DGKB: variants seen among roughly 807,000 people sequenced by gnomAD.
DGKB encodes diacylglycerol kinase beta, also known as 90 kDa diacylglycerol kinase.
In DGKB, 67 loss-of-function variants were observed where a neutral mutation model predicts 114.3. The ratio of observed to expected loss-of-function variants is 0.59; its 90% CI spans 0.48 to 0.72. DGKB has a LOEUF of 0.72. DGKB is among the 30% of genes least tolerant of loss of function. The pLI is 0.00. For synonymous variants in DGKB, 398 were observed against 323.1 expected, an observed-to-expected ratio of 1.23 and a Z score of -2.49; for missense variants, 907 against 975.2, an observed-to-expected ratio of 0.93 and a Z score of 0.93.
At chr7:14,878,641 C>A (rs1312047157) in intron 1 of DGKB, among the ~76,000 whole-genome samples, 10 of 150,350 alleles carry the variant, frequency 6.7e-5, no homozygotes, top group Admixed American at 6.0e-4. Flanking sequence ...CCCAGCTACT[C>A]GGGAGGCTGA....
At chr7:14,584,205 C>A (rs559112589) in intron 17 of DGKB, among the ~76,000 whole-genome samples, 1 of 152,098 alleles carries the variant, frequency 6.6e-6, no homozygotes, top group South Asian at 2.1e-4. Context: ...AGCACTGCAT[C>A]ATGTTTTATA....
At chr7:14,832,748 G>C (rs2128125123) in intron 2 of DGKB, among the ~76,000 whole-genome samples, 1 of 151,960 alleles carries the variant, frequency 6.6e-6, no homozygotes, top group East Asian at 1.9e-4. Flanking sequence ...AATCTTTCTA[G>C]AGTTTCATCT....
At chr7:14,884,275 C>A (rs557197929) in intron 1 of DGKB, among the ~76,000 whole-genome samples, 2 of 151,994 alleles carry the variant, frequency 1.3e-5, no homozygotes, top group African/African-American at 4.8e-5. Context: ...TTATTTATTT[C>A]TCTTATACTA....
At chr7:14,361,188 G>A (rs895061084) in intron 21 of DGKB, among the ~76,000 whole-genome samples, 1 of 151,982 alleles carries the variant, frequency 6.6e-6, no homozygotes, top group Non-Finnish European at 1.5e-5. Flanking sequence ...GTAACAAGAA[G>A]CATAACTTTG....
At chr7:14,399,613 T>C (rs1822779729) in intron 21 of DGKB, among the ~76,000 whole-genome samples, 1 of 151,854 alleles carries the variant, frequency 6.6e-6, no homozygotes, top group African/African-American at 2.4e-5. Flanking sequence ...GTCCTATATA[T>C]TTACTTGTAT....
intron 21 of DGKB, among the ~76,000 whole-genome samples, chr7:14,376,878 C>A (rs1818569939): frequency 6.6e-6 from 1 of 152,062 alleles, no homozygotes; most frequent in Non-Finnish European, 1.5e-5. Flanking sequence ...TATAAAGGAC[C>A]CAACTTGAAA....
intron 1 of DGKB, among the ~76,000 whole-genome samples, chr7:14,921,692 A>AT (rs1193408412): frequency 6.6e-6 from 1 of 152,174 alleles, no homozygotes; most frequent in African/African-American, 2.4e-5. Context: ...AAATGTCAAC[A>AT]TGGCAGAAAT....
chr7:14,162,598 C>T lies in DGKB; in HGVS notation c.2305-13360G>A, dbSNP rs538217771. Among the ~76,000 whole-genome samples, 11 of 152,012 alleles carry T rather than the reference C, an allele frequency of 7.2e-5. No homozygotes were observed. The East Asian group carries it at 1.4e-3, about 19-fold the overall frequency. On this transcript the variant is annotated intron_variant, in intron 25 of 25. Transcript: ENST00000402815. ...ATGAGAGATATTACTATCTGCTAGC[C>T]AAAATGAAATTAATTTTTTGAATTG...
chr7:14,303,894 TC>T (rs1348504915), intron 23 of DGKB, among the ~76,000 whole-genome samples: 4 of 152,254 alleles, frequency 2.6e-5, no homozygotes, highest in Admixed American at 2.6e-4. Flanking sequence ...GATTGAAAAG[TC>T]TATCAAGTAT....
intron 21 of DGKB, among the ~76,000 whole-genome samples, chr7:14,430,545 C>T (rs370474054): frequency 3.5e-4 from 53 of 152,260 alleles, no homozygotes; most frequent in Middle Eastern, 3.4e-3. Flanking sequence ...ATTTCTATGA[C>T]TAATAAACTA....
intron 13 of DGKB, among the ~76,000 whole-genome samples, chr7:14,638,369 T>C (rs1206511355): frequency 6.6e-6 from 1 of 152,200 alleles, no homozygotes; most frequent in African/African-American, 2.4e-5. Context: ...AACAAAATGA[T>C]TTAATTATGA....
intron 1 of DGKB, among the ~76,000 whole-genome samples, chr7:14,945,387 G>C (rs150014033): frequency 3.2e-4 from 49 of 151,890 alleles, no homozygotes; most frequent in Admixed American, 3.3e-4. Flanking sequence ...CGTGAATGTG[G>C]TTCTGGTTAC....
intron 1 of DGKB, among the ~76,000 whole-genome samples, chr7:14,951,762 AG>A (rs1452236758): frequency 6.6e-6 from 1 of 151,950 alleles, no homozygotes; most frequent in Non-Finnish European, 1.5e-5. Flanking sequence ...AGAGGCATTG[AG>A]GGGGGTATAT....
At chr7:14,331,486 C>G (rs1020700381) in intron 23 of DGKB, among the ~76,000 whole-genome samples, 1 of 151,790 alleles carries the variant, frequency 6.6e-6, no homozygotes, top group East Asian at 1.9e-4. Context: ...TCTAAATTAC[C>G]CTAAATAACC....
intron 23 of DGKB, among the ~76,000 whole-genome samples, chr7:14,214,052 C>T (rs940454558): frequency 6.6e-6 from 1 of 152,014 alleles, no homozygotes; most frequent in Non-Finnish European, 1.5e-5. Flanking sequence ...CACTTTTGTT[C>T]ATCTCTGATG....
In DGKB at chr7:14,464,589, T is replaced by C. The variant is rs1259133135; in HGVS notation, c.1835+13572A>G. Among the ~76,000 whole-genome samples, 3 of 152,232 alleles carry C rather than the reference T, an allele frequency of 2.0e-5. 1 individual carries two copies. The East Asian group carries it at 5.8e-4, about 29-fold the overall frequency. On this transcript the variant is annotated intron_variant, in intron 21 of 25. Coordinates refer to ENST00000402815, the MANE Select transcript of DGKB (RefSeq NM_001350709.2). ...TAAATGTACATGTAAAGATTTATTC[T>C]TTAAAAGCATATAAATGTAGAGATG...
At chr7:14,275,315 C>A (rs1798841218) in intron 23 of DGKB, among the ~76,000 whole-genome samples, 3 of 152,076 alleles carry the variant, frequency 2.0e-5, no homozygotes, top group Non-Finnish European at 4.4e-5. Flanking sequence ...GGTTGACACA[C>A]AATAAAAAGT....
intron 4 of DGKB, among the ~76,000 whole-genome samples, chr7:14,741,774 C>T (rs533844437): frequency 6.6e-6 from 1 of 152,228 alleles, no homozygotes; most frequent in East Asian, 1.9e-4. Flanking sequence ...TTGGTTTCAC[C>T]TGTAAGGTTA....
At chr7:14,593,652 C>T (rs1802053306) in intron 17 of DGKB, among the ~76,000 whole-genome samples, 2 of 151,436 alleles carry the variant, frequency 1.3e-5, no homozygotes, top group African/African-American at 4.8e-5. Flanking sequence ...TTTTAAAGTA[C>T]ATAAATTAAT....
Sources: gnomAD v4.1 joint callset for allele counts (sites outside exome capture counted in the v4.1 genomes callset) on GRCh38, gnomAD v4.1.1 for gene constraint, MANE v1.5 for transcripts, NCBI Gene and HGNC (gene_info 2026-07-23, HGNC 2026-07-21) for gene names.